Variants in HYCC1 observed in about 807,000 individuals in gnomAD.
HYCC1 encodes the protein hyccin.
the HYCC1 span, among the ~76,000 whole-genome samples, chr7:22,913,323 C>A: frequency 6.6e-6 from 1 of 152,126 alleles, no homozygotes; most frequent in Non-Finnish European, 1.5e-5. Flanking sequence ...GGGTGTGATA[C>A]CAAATGAGGC....
At chr7:22,993,325 C>T in the HYCC1 span, among the ~76,000 whole-genome samples, 1 of 152,080 alleles carries the variant, frequency 6.6e-6, no homozygotes, top group Non-Finnish European at 1.5e-5. Flanking sequence ...CTTTCATAAT[C>T]TTAGGCTAGG....
At chr7:23,013,143 T>C in the HYCC1 span, among the ~76,000 whole-genome samples, 1 of 152,304 alleles carries the variant, frequency 6.6e-6, no homozygotes, top group South Asian at 2.1e-4. Flanking sequence ...ACAGCAAATT[T>C]CGGGGAAGCG....
chr7:22,951,466 AT>A, the HYCC1 span, among the ~76,000 whole-genome samples: 2 of 151,856 alleles, frequency 1.3e-5, no homozygotes, highest in African/African-American at 2.4e-5. Flanking sequence ...GCATCATACA[AT>A]TTTTTACATG....
At chr7:23,008,953 C>T in the HYCC1 span, among the ~76,000 whole-genome samples, 1 of 151,820 alleles carries the variant, frequency 6.6e-6, no homozygotes, top group East Asian at 1.9e-4. Context: ...AGTGAGGTAT[C>T]ATAAAAGAAA....
At chr7:22,974,134 T>A in the HYCC1 span, among the ~76,000 whole-genome samples, 1 of 152,234 alleles carries the variant, frequency 6.6e-6, no homozygotes, top group Non-Finnish European at 1.5e-5. Context: ...TATTTCTGAA[T>A]GTTGGTCCTT....
the HYCC1 span, among the ~76,000 whole-genome samples, chr7:22,911,138 T>C: frequency 6.6e-6 from 1 of 152,334 alleles, no homozygotes; most frequent in Non-Finnish European, 1.5e-5. Context: ...ATAGGAGTTC[T>C]TACCATTGTA....
chr7:22,992,035 C>T, the HYCC1 span, among the ~76,000 whole-genome samples: 3 of 151,796 alleles, frequency 2.0e-5, no homozygotes, highest in Non-Finnish European at 4.4e-5. Context: ...AATGACAGTA[C>T]CTATTTGCAA....
At chr7:22,925,940 G>A in the HYCC1 span, among the ~76,000 whole-genome samples, 32 of 152,176 alleles carry the variant, frequency 2.1e-4, no homozygotes, top group Non-Finnish European at 3.8e-4. Context: ...GAGAAAGGTC[G>A]GGTTACCCAC....
At chr7:22,974,748 T>G in the HYCC1 span, among the ~76,000 whole-genome samples, 2 of 152,202 alleles carry the variant, frequency 1.3e-5, no homozygotes, top group African/African-American at 4.8e-5. Context: ...GTGTCCCTAC[T>G]CAAATCTCAT....
the HYCC1 span, among the ~76,000 whole-genome samples, chr7:23,002,150 A>ATATATATATATATATACAAT: frequency 2.2e-4 from 6 of 27,486 alleles, no homozygotes; most frequent in African/African-American, 1.1e-3. Flanking sequence ...ATATATATAT[A>ATATATATATATATATACAAT]TATATATATA....
At chr7:22,935,125 T>C in the HYCC1 span, 1 of 152,252 alleles carries the variant, frequency 6.6e-6, no homozygotes, top group Non-Finnish European at 1.5e-5. Context: ...CCTGTTTAGC[T>C]GAAAGTTCTT....
At chr7:23,002,286 C>A in the HYCC1 span, among the ~76,000 whole-genome samples, 1 of 151,308 alleles carries the variant, frequency 6.6e-6, no homozygotes, top group East Asian at 1.9e-4. Flanking sequence ...CAGCAATGGG[C>A]ATGTAAAAGA....
the HYCC1 span, among the ~76,000 whole-genome samples, chr7:22,989,285 A>AACACACACAC: frequency 4.7e-4 from 70 of 148,688 alleles, 1 homozygote; most frequent in East Asian, 0.013. Context: ...ACAAGCAGGA[A>AACACACACAC]ACACACACAC....
the HYCC1 span, among the ~76,000 whole-genome samples, chr7:22,933,145 T>TATTA: frequency 2.6e-5 from 4 of 152,222 alleles, no homozygotes; most frequent in Admixed American, 2.6e-4. Flanking sequence ...AATTCTCTTG[T>TATTA]ATTAAGTCAT....
the HYCC1 span, among the ~76,000 whole-genome samples, chr7:22,970,438 G>A: frequency 1.3e-5 from 2 of 152,200 alleles, no homozygotes; most frequent in Non-Finnish European, 2.9e-5. Flanking sequence ...CTAAGCTCTT[G>A]TGATATAGCA....
the HYCC1 span, among the ~76,000 whole-genome samples, chr7:22,964,986 T>C: frequency 6.6e-6 from 1 of 151,964 alleles, no homozygotes; most frequent in African/African-American, 2.4e-5. Flanking sequence ...ATACAAAAAT[T>C]AGCTGGGTAT....
chr7:22,961,376 AAATAC>A, the HYCC1 span: 5 of 995,412 alleles, frequency 5.0e-6, no homozygotes, highest in African/African-American at 1.6e-5. Flanking sequence ...TAACTGAACA[AAATAC>A]AATGAGAAAC....
the HYCC1 span, among the ~76,000 whole-genome samples, chr7:22,954,281 G>A: frequency 6.6e-6 from 1 of 150,708 alleles, no homozygotes; most frequent in Non-Finnish European, 1.5e-5. Flanking sequence ...TAATTTTTCA[G>A]ATTTGTTCAA....
chr7:22,995,780 T>C, the HYCC1 span, among the ~76,000 whole-genome samples: 2 of 152,126 alleles, frequency 1.3e-5, no homozygotes, highest in South Asian at 2.1e-4. Context: ...CCATTGAGAG[T>C]GCACTGGACA....
Sources: gnomAD v4.1 joint callset for allele counts (sites outside exome capture counted in the v4.1 genomes callset) on GRCh38, gnomAD v4.1.1 for gene constraint, MANE v1.5 for transcripts, NCBI Gene and HGNC (gene_info 2026-07-23, HGNC 2026-07-21) for gene names.